NR3C2: variants seen among roughly 807,000 people sequenced by gnomAD.
NR3C2 encodes mineralocorticoid receptor.
Under a neutral mutation model 86.4 loss-of-function variants are expected in NR3C2, and 15 were observed. The observed-to-expected ratio is 0.17, with a 90% CI of 0.12 to 0.27. The LOEUF (loss-of-function observed/expected upper bound fraction) is 0.27. Ranked by LOEUF, NR3C2 falls within the 10% of genes least tolerant of loss-of-function variation. The pLI is 1.00. For synonymous variants in NR3C2, 458 were observed against 450.5 expected (o/e 1.02, Z -0.21); for missense variants, 960 against 1,195.6 (o/e 0.80, Z 2.91).
At chr4:148,282,892 A>G (rs932086296) in intron 2 of NR3C2, among the ~76,000 whole-genome samples, 1 of 152,216 alleles carries the variant, frequency 6.6e-6, no homozygotes, top group African/African-American at 2.4e-5. Context: ...CTGGACTGCA[A>G]AAAAGAGGCA....
intron 3 of NR3C2, among the ~76,000 whole-genome samples, chr4:148,239,915 TCCC>T (rs890739674): frequency 6.6e-6 from 1 of 151,998 alleles, no homozygotes; most frequent in Non-Finnish European, 1.5e-5. Context: ...TCTGGTTTTC[TCCC>T]CTCCTCTTTC....
At chr4:148,277,578 G>T (rs573622451) in intron 2 of NR3C2, among the ~76,000 whole-genome samples, 10 of 151,912 alleles carry the variant, frequency 6.6e-5, no homozygotes, top group African/African-American at 2.2e-4. Flanking sequence ...TGATCAGCCT[G>T]GGCAACACAG....
chr4:148,313,255 C>T (rs1742994000), intron 2 of NR3C2, among the ~76,000 whole-genome samples: 1 of 152,138 alleles, frequency 6.6e-6, no homozygotes, highest in Non-Finnish European at 1.5e-5. Flanking sequence ...AAAACACAAC[C>T]ACTTTAAACA....
intron 2 of NR3C2, among the ~76,000 whole-genome samples, chr4:148,302,764 T>C (rs1025815740): frequency 6.7e-6 from 1 of 149,872 alleles, no homozygotes; most frequent in African/African-American, 2.5e-5. Flanking sequence ...GAGAACTGCT[T>C]GAACCTGGGA....
intron 3 of NR3C2, among the ~76,000 whole-genome samples, chr4:148,236,524 C>T (rs1738758523): frequency 1.3e-5 from 2 of 152,022 alleles, no homozygotes; most frequent in South Asian, 4.1e-4. Context: ...GCAACTGATA[C>T]TCTTACACTT....
At chr4:148,184,732 CT>C (rs1343899953) in intron 4 of NR3C2, among the ~76,000 whole-genome samples, 1 of 152,082 alleles carries the variant, frequency 6.6e-6, no homozygotes, top group Middle Eastern at 3.2e-3. Context: ...TGGCTGTACC[CT>C]TGTGTCATCT....
rs180711144 is a variant in NR3C2, at chr4:148,127,522, C to G, written c.2511-7234G>C. On this transcript the variant is annotated intron_variant, in intron 6 of 8. Transcript: ENST00000358102. ...GTCACCCTTGAACAGTGGACTAATA[C>G]AAATGTGGTAATAGATTACTGATGT... Among the ~76,000 whole-genome samples the G allele has an allele frequency of 8.5e-5, 13 of 152,248 alleles. No individual in the cohort carries two copies. The South Asian group carries it at 1.7e-3, about 19-fold the overall frequency.
chr4:148,179,712 A>G (rs548171603), intron 4 of NR3C2, among the ~76,000 whole-genome samples: 2 of 151,830 alleles, frequency 1.3e-5, no homozygotes, highest in South Asian at 4.2e-4. Flanking sequence ...GTTAAAATTT[A>G]AAAGAAAAAA....
intron 8 of NR3C2, among the ~76,000 whole-genome samples, chr4:148,104,342 G>GGTTTGTTTTTTTTTTTTTTTT (rs1731686588): frequency 1.6e-5 from 1 of 63,794 alleles, no homozygotes; most frequent in Non-Finnish European, 3.2e-5. Context: ...TTTTGGTTTG[G>GGTTTGTTTTTTTTTTTTTTTT]TTTTTTTTTT....
intron 8 of NR3C2, among the ~76,000 whole-genome samples, chr4:148,104,342 GT>G (rs57175085): frequency 0.08 from 5,114 of 63,854 alleles, 166 homozygotes; most frequent in African/African-American, 0.21. Flanking sequence ...TTTTGGTTTG[GT>G]TTTTTTTTTT....
intron 2 of NR3C2, among the ~76,000 whole-genome samples, chr4:148,341,691 A>G (rs1274369854): frequency 6.6e-6 from 1 of 152,154 alleles, no homozygotes; most frequent in African/African-American, 2.4e-5. Flanking sequence ...TTGTATGCAT[A>G]TATCAAAACA....
chr4:148,255,074 C>T (rs1047133819), intron 3 of NR3C2, among the ~76,000 whole-genome samples: 3 of 86 alleles, frequency 0.035, no homozygotes, highest in Admixed American at 0.25. Context: ...TGCTCACTGC[C>T]CCCCCCCAAC....
rs1250459170 is a variant in NR3C2, at chr4:148,192,981, G to A, written c.2014+1765C>T. ...GCAGGCCTGATTTGGGCCATCCCCC[G>A]AGTTCTGGCAAGGAGGCTTCTCACC... On this transcript the variant is annotated intron_variant, in intron 4 of 8. Coordinates refer to ENST00000358102, the MANE Select transcript of NR3C2 (RefSeq NM_000901.5). Among the ~76,000 whole-genome samples, 5 of 152,202 alleles carry A rather than the reference G, an allele frequency of 3.3e-5. No homozygotes were observed. In the South Asian group the frequency reaches 6.2e-4, roughly 19 times the overall value.
At chr4:148,239,337 G>T (rs908339905) in intron 3 of NR3C2, among the ~76,000 whole-genome samples, 4 of 152,222 alleles carry the variant, frequency 2.6e-5, no homozygotes, top group African/African-American at 9.6e-5. Context: ...GCTCAGCACA[G>T]TTGGTAACCC....
intron 5 of NR3C2, among the ~76,000 whole-genome samples, chr4:148,153,487 T>C (rs1355021074): frequency 6.6e-6 from 1 of 152,164 alleles, no homozygotes; most frequent in African/African-American, 2.4e-5. Flanking sequence ...TTCTTTTGTT[T>C]TTTATCACCT....
chr4:148,167,555 T>C (rs1734933555), intron 4 of NR3C2, among the ~76,000 whole-genome samples: 2 of 152,226 alleles, frequency 1.3e-5, no homozygotes, highest in South Asian at 4.1e-4. Flanking sequence ...CCCAACATGA[T>C]ATACTCTATA....
chr4:148,401,016 A>G (rs965403657), intron 2 of NR3C2, among the ~76,000 whole-genome samples: 1 of 152,184 alleles, frequency 6.6e-6, no homozygotes, highest in Non-Finnish European at 1.5e-5. Context: ...TGAGCTACTA[A>G]TAACAACATC....
intron 8 of NR3C2, among the ~76,000 whole-genome samples, chr4:148,097,424 C>G (rs1731328221): frequency 6.6e-6 from 1 of 152,212 alleles, no homozygotes; most frequent in Non-Finnish European, 1.5e-5. Flanking sequence ...TAGGTTCCCA[C>G]AAGCTGCTGA....
chr4:148,229,438 A>G (rs1412609700), intron 3 of NR3C2, among the ~76,000 whole-genome samples: 2 of 152,186 alleles, frequency 1.3e-5, no homozygotes, highest in Admixed American at 1.3e-4. Flanking sequence ...CCTGGATTTT[A>G]GCTGAACTAA....
Sources: gnomAD v4.1 joint callset for allele counts (sites outside exome capture counted in the v4.1 genomes callset) on GRCh38, gnomAD v4.1.1 for gene constraint, MANE v1.5 for transcripts, NCBI Gene and HGNC (gene_info 2026-07-23, HGNC 2026-07-21) for gene names.